BAZ2B: variants seen among roughly 807,000 people sequenced by gnomAD.
BAZ2B encodes the protein bromodomain adjacent to zinc finger domain protein 2B.
BAZ2B carries 91 observed loss-of-function variants against 246.0 expected under a neutral mutation model. That is an observed-to-expected ratio of 0.37 (90% CI 0.31 to 0.44). The LOEUF (loss-of-function observed/expected upper bound fraction) is 0.44, where lower values mean the gene tolerates loss of function less well. BAZ2B is among the 20% of genes least tolerant of loss of function. BAZ2B has a pLI of 1.00. For missense variants in BAZ2B, 2,332 were observed against 2,533.7 expected (o/e 0.92, Z 1.71); for synonymous variants, 855 against 860.0 (o/e 0.99, Z 0.10).
chr2:159,635,893 T>C, the BAZ2B span, among the ~76,000 whole-genome samples: 1 of 152,010 alleles, frequency 6.6e-6, no homozygotes, highest in Admixed American at 6.6e-5. Flanking sequence ...CCTGTCTCTA[T>C]AAAAAATTAA....
chr2:159,451,505 G>A (rs1370258433), intron 4 of BAZ2B, among the ~76,000 whole-genome samples: 2 of 152,110 alleles, frequency 1.3e-5, no homozygotes, highest in Non-Finnish European at 1.5e-5. Flanking sequence ...TAAACAAAAT[G>A]AATCTTTGAA....
upstream of BAZ2B, among the ~76,000 whole-genome samples, chr2:159,620,715 G>C (rs1040548800): frequency 2.8e-4 from 42 of 152,194 alleles, no homozygotes; most frequent in African/African-American, 8.7e-4. Context: ...AATTCTGTAT[G>C]CGGGAATATT....
intron 4 of BAZ2B, among the ~76,000 whole-genome samples, chr2:159,450,655 T>C (rs1435474882): frequency 6.6e-6 from 1 of 150,812 alleles, no homozygotes; most frequent in Non-Finnish European, 1.5e-5. Context: ...AAATGAAAAA[T>C]ACAAAATAAG....
intron 36 of BAZ2B, 86 bp from the exon 37 acceptor site, chr2:159,320,504 G>T: frequency 8.6e-7 from 1 of 1,157,528 alleles, no homozygotes; most frequent in South Asian, 1.6e-5. Context: ...GGGTAAAAAT[G>T]AAAGAAAAAT....
rs34337483 is a variant in BAZ2B at position 159,576,912 on chromosome 2, CAAAAAAAAAA to C, written c.-45-21057_-45-21048del. On this transcript the variant is annotated intron_variant, in intron 1 of 36. Transcript: ENST00000392783. ...TGGGCTACAGAGTGAGACTGTGTCT[CAAAAAAAAAA>C]AAAAAAAAAAAAGGAAAGTGTGGCC... Among the ~76,000 whole-genome samples the C allele has an allele frequency of 5.0e-3, 255 of 51,138 alleles. 2 individuals carry two copies. The highest frequency in any genetic ancestry group is 6.9e-3 in the Admixed American group (26 of 3,786). The allele number at this position is 51,138 out of a possible 152,430, so 33.5% of individuals were successfully genotyped here.
chr2:159,405,392 A>G (rs1303470347), intron 14 of BAZ2B, among the ~76,000 whole-genome samples: 1 of 152,116 alleles, frequency 6.6e-6, no homozygotes, highest in Non-Finnish European at 1.5e-5. Flanking sequence ...TTGTATTTTT[A>G]GTAGAGATGG....
At chr2:159,486,314 G>C (rs917976958) in intron 2 of BAZ2B, among the ~76,000 whole-genome samples, 1 of 151,890 alleles carries the variant, frequency 6.6e-6, no homozygotes, top group Non-Finnish European at 1.5e-5. Flanking sequence ...GAATATTTAA[G>C]ATAGTTCTGG....
chr2:159,711,443 T>C, the BAZ2B span, among the ~76,000 whole-genome samples: 3 of 152,192 alleles, frequency 2.0e-5, no homozygotes, highest in Non-Finnish European at 4.4e-5. Flanking sequence ...AGGATGATAG[T>C]GACTGATACT....
chr2:159,707,644 G>A, the BAZ2B span, among the ~76,000 whole-genome samples: 1 of 152,072 alleles, frequency 6.6e-6, no homozygotes, highest in South Asian at 2.1e-4. Context: ...TGAATAACAT[G>A]ATAAAACTCC....
chr2:159,412,588 A>C lies in BAZ2B; in HGVS notation c.2467-43T>G, dbSNP rs1162706003. On this transcript the variant is annotated intron_variant, in intron 13 of 36. Coordinates refer to ENST00000392783, the MANE Select transcript of BAZ2B (RefSeq NM_013450.4). ...ATAGAAATAATATATTACAAACAAA[A>C]TAAACACAAGAGATCAACATGTAAG... The C allele has an allele frequency of 2.6e-6, 4 of 1,535,350 alleles. No homozygotes were observed. In the African/African-American group the frequency reaches 5.5e-5, roughly 21 times the overall value.
At chr2:159,693,010 G>A in the BAZ2B span, among the ~76,000 whole-genome samples, 1 of 152,086 alleles carries the variant, frequency 6.6e-6, no homozygotes, top group Non-Finnish European at 1.5e-5. Context: ...GGTCTCACTG[G>A]TCTTGAACTC....
chr2:159,518,008 TC>T lies in BAZ2B; in HGVS notation c.-3+37814del, dbSNP rs1449678637. On this transcript the variant is annotated intron_variant, in intron 2 of 36. Coordinates refer to ENST00000392783, the MANE Select transcript of BAZ2B (RefSeq NM_013450.4). ...TGGAATGCAAAACACAGTTCTTATT[TC>T]CTTTATAGAAAATTTGAGATGTAAT... is the stretch of plus-strand genomic sequence containing the variant. 9.2e-5 allele frequency among the ~76,000 whole-genome samples: 14 copies of T among 152,298 alleles called. No individual in the cohort carries two copies. In the East Asian group the frequency reaches 2.7e-3, roughly 29 times the overall value.
At chr2:159,692,047 A>C in the BAZ2B span, among the ~76,000 whole-genome samples, 1 of 152,184 alleles carries the variant, frequency 6.6e-6, no homozygotes, top group South Asian at 2.1e-4. Flanking sequence ...GTTTTGACAA[A>C]CTTTAACTTT....
At chr2:159,556,442 T>C (rs1471861320) in intron 1 of BAZ2B, among the ~76,000 whole-genome samples, 1 of 152,162 alleles carries the variant, frequency 6.6e-6, no homozygotes, top group African/African-American at 2.4e-5. Flanking sequence ...AGTTTATCCC[T>C]GTGAAATCTT....
the BAZ2B span, among the ~76,000 whole-genome samples, chr2:159,621,643 C>A: frequency 8.5e-5 from 13 of 152,238 alleles, no homozygotes; most frequent in East Asian, 2.5e-3. Context: ...AAAGCTGTAT[C>A]TCAAAGCAGT....
rs111597127 is a variant in BAZ2B at position 159,584,309 on chromosome 2, A to T, written c.-45-28444T>A. Among the ~76,000 whole-genome samples, 495 of 152,222 alleles carry T rather than the reference A, an allele frequency of 3.3e-3. 4 individuals are homozygous for T. Among genetic ancestry groups the T allele is most frequent in the African/African-American group, 0.011 (463 of 41,522 alleles). ...GCTAATTTTTGTATTTTTAGCAGAG[A>T]CGCGGTTTCACCATGTTGGCCAAGA... On this transcript the variant is annotated intron_variant, in intron 1 of 36. Transcript: ENST00000392783.
intron 36 of BAZ2B, among the ~76,000 whole-genome samples, chr2:159,323,428 T>C (rs941868504): frequency 3.9e-5 from 6 of 152,174 alleles, no homozygotes; most frequent in African/African-American, 1.4e-4. Context: ...ACTAGTAAAG[T>C]CTTCATGTGT....
At chr2:159,412,283 T>C in intron 14 of BAZ2B, 52 bp downstream of exon 14, 1 of 1,541,084 alleles carries the variant, frequency 6.5e-7, no homozygotes, top group Non-Finnish European at 8.9e-7. Flanking sequence ...AGAAATACTT[T>C]TAGTATACTT....
At chr2:159,674,350 AG>A in the BAZ2B span, among the ~76,000 whole-genome samples, 1 of 142,112 alleles carries the variant, frequency 7.0e-6, no homozygotes, top group Non-Finnish European at 1.5e-5. Context: ...AAAAAAAAAA[AG>A]AAAGAAAGAA....
Sources: allele counts gnomAD v4.1 joint callset (sites outside exome capture counted in the v4.1 genomes callset), GRCh38; gene constraint gnomAD v4.1.1; transcripts MANE v1.5; gene names NCBI Gene and HGNC (gene_info 2026-07-23, HGNC 2026-07-21).